RIMS1: variants seen among roughly 807,000 people sequenced by gnomAD.
RIMS1 encodes regulating synaptic membrane exocytosis protein 1.
RIMS1 carries 83 observed loss-of-function variants against 214.1 expected under a neutral mutation model. That is an observed-to-expected ratio of 0.39 (90% CI 0.32 to 0.47). RIMS1 has a LOEUF of 0.47. Ranked by LOEUF, RIMS1 falls within the 20% of genes least tolerant of loss-of-function variation. RIMS1 has a pLI of 0.99. For synonymous variants in RIMS1, 793 were observed against 786.8 expected, an observed-to-expected ratio of 1.01 and a Z score of -0.13; for missense variants, 2,050 against 2,161.8, an observed-to-expected ratio of 0.95 and a Z score of 1.03.
chr6:72,016,293 G>A (rs1034205761), intron 2 of RIMS1, among the ~76,000 whole-genome samples: 1 of 151,940 alleles, frequency 6.6e-6, no homozygotes, highest in Non-Finnish European at 1.5e-5. Context: ...TGTCAGGGTA[G>A]TATTGTTTTT....
chr6:72,188,868 T>C (rs2049580418), intron 6 of RIMS1, among the ~76,000 whole-genome samples: 1 of 152,198 alleles, frequency 6.6e-6, no homozygotes, highest in South Asian at 2.1e-4. Flanking sequence ...GTAGACTGAT[T>C]TCATCTTGAT....
intron 19 of RIMS1, chr6:72,262,335 C>T: frequency 3.1e-6 from 3 of 967,106 alleles, no homozygotes; most frequent in Non-Finnish European, 3.7e-6. Flanking sequence ...TGTATGTTGA[C>T]TTTGCATTTC....
At chr6:72,131,285 T>A (rs1350801824) in intron 4 of RIMS1, among the ~76,000 whole-genome samples, 1 of 152,180 alleles carries the variant, frequency 6.6e-6, no homozygotes, top group African/African-American at 2.4e-5. Flanking sequence ...GTGACTAAAT[T>A]AGCATTATTG....
At chr6:72,260,613 C>A (rs768136534) in intron 18 of RIMS1, 92 bp from the exon 19 acceptor site, 54 of 1,525,166 alleles carry the variant, frequency 3.5e-5, no homozygotes, top group Non-Finnish European at 4.3e-5. Flanking sequence ...AATCTGGTTT[C>A]TTCCCTTTTC....
intron 2 of RIMS1, among the ~76,000 whole-genome samples, chr6:72,080,848 C>T (rs374743377): frequency 5.8e-4 from 88 of 152,268 alleles, no homozygotes; most frequent in African/African-American, 1.9e-3. Flanking sequence ...CTTACTTACA[C>T]TTTAAAAAAA....
At chr6:72,277,676 G>T (rs558607225) in intron 23 of RIMS1, among the ~76,000 whole-genome samples, 1 of 151,856 alleles carries the variant, frequency 6.6e-6, no homozygotes, top group Non-Finnish European at 1.5e-5. Context: ...GGATGTTTTC[G>T]ATTTTAAAAT....
At chr6:72,308,976 G>A (rs889071044) in intron 27 of RIMS1, among the ~76,000 whole-genome samples, 17 of 152,220 alleles carry the variant, frequency 1.1e-4, no homozygotes, top group Non-Finnish European at 1.2e-4. Context: ...TCCCTCTACA[G>A]TTGGATGCAG....
chr6:72,012,392 A>G (rs1398012981), intron 2 of RIMS1, among the ~76,000 whole-genome samples: 1 of 152,206 alleles, frequency 6.6e-6, no homozygotes, highest in East Asian at 1.9e-4. Flanking sequence ...TGACGAGTTA[A>G]TGGGTGCAGC....
chr6:72,088,441 G>A, intron 2 of RIMS1, among the ~76,000 whole-genome samples: 1 of 151,752 alleles, frequency 6.6e-6, no homozygotes, highest in Non-Finnish European at 1.5e-5. Flanking sequence ...AGTAGAGATG[G>A]GGTTTCACCA....
At chr6:72,008,396 T>G (rs1808731070) in intron 2 of RIMS1, among the ~76,000 whole-genome samples, 1 of 152,200 alleles carries the variant, frequency 6.6e-6, no homozygotes, top group Admixed American at 6.5e-5. Context: ...CCGTCGAGGC[T>G]AGGAAGAAAC....
intron 2 of RIMS1, among the ~76,000 whole-genome samples, chr6:72,092,309 C>CTTCCTTCCTTCCTTCCTTCCTTCCTTCA (rs1836502039): frequency 7.0e-6 from 1 of 142,592 alleles, no homozygotes; most frequent in Admixed American, 7.0e-5. Context: ...TCCTTCCTTC[C>CTTCCTTCCTTCCTTCCTTCCTTCCTTCA]TTCCTTCCTT....
chr6:72,333,555 C>G, intron 28 of RIMS1, 45 bp from the exon 29 acceptor site: 2 of 1,358,322 alleles, frequency 1.5e-6, no homozygotes, highest in Non-Finnish European at 2.1e-6. Flanking sequence ...GTGATGCTGA[C>G]CTGTAATTTA....
intron 1 of RIMS1, among the ~76,000 whole-genome samples, chr6:71,932,981 G>T (rs901019362): frequency 1.3e-5 from 2 of 152,054 alleles, no homozygotes; most frequent in Non-Finnish European, 2.9e-5. Flanking sequence ...GCTGTTCTAG[G>T]CATTAAAGGA....
intron 2 of RIMS1, among the ~76,000 whole-genome samples, chr6:72,021,786 A>G (rs984096734): frequency 1.1e-4 from 16 of 152,004 alleles, no homozygotes; most frequent in African/African-American, 3.4e-4. Context: ...AAGTTTTCTC[A>G]TGGTCCCAAG....
chr6:72,015,101 G>A (rs922392993), intron 2 of RIMS1, among the ~76,000 whole-genome samples: 3 of 151,998 alleles, frequency 2.0e-5, no homozygotes, highest in Non-Finnish European at 2.9e-5. Flanking sequence ...CTTGGGGATG[G>A]GATGAAAGTC....
rs555339543 is a variant in RIMS1 at position 72,267,572 on chromosome 6, A to G, written c.3398+1523A>G. On this transcript the variant is annotated intron_variant, in intron 22 of 33. Coordinates refer to ENST00000521978, the MANE Select transcript of RIMS1 (RefSeq NM_014989.7). The stretch of plus-strand genomic sequence containing the variant: ...TTTTGCACTCCCTTTTTTACAGCAT[A>G]ATAAGCCATAGATACTAAAGATAGT... Among the ~76,000 whole-genome samples, 6 of 152,254 alleles carry G rather than the reference A, an allele frequency of 3.9e-5. No homozygotes were observed. The South Asian group carries it at 1.2e-3, about 32-fold the overall frequency.
intron 2 of RIMS1, among the ~76,000 whole-genome samples, chr6:72,063,185 G>A (rs1394401643): frequency 6.6e-6 from 1 of 152,154 alleles, no homozygotes; most frequent in Non-Finnish European, 1.5e-5. Context: ...CAAAGGAGCA[G>A]GAGTATGTAT....
chr6:72,271,126 C>T (rs79763110), intron 22 of RIMS1, among the ~76,000 whole-genome samples: 4 of 151,386 alleles, frequency 2.6e-5, no homozygotes, highest in African/African-American at 7.3e-5. Flanking sequence ...AGTAGCCAGG[C>T]GTGGCGGTGT....
At chr6:72,392,920 A>G in intron 31 of RIMS1, 110 bp downstream of exon 31, 1 of 726,556 alleles carries the variant, frequency 1.4e-6, no homozygotes, top group East Asian at 2.7e-5. Flanking sequence ...GCAACATTTT[A>G]GCTACAGAGT....
Sources: gnomAD v4.1 joint callset for allele counts (sites outside exome capture counted in the v4.1 genomes callset) on GRCh38, gnomAD v4.1.1 for gene constraint, MANE v1.5 for transcripts, NCBI Gene and HGNC (gene_info 2026-07-23, HGNC 2026-07-21) for gene names.